Variants in DAAM1 observed in about 807,000 individuals in gnomAD.
DAAM1 encodes disheveled-associated activator of morphogenesis 1.
In DAAM1, 52 loss-of-function variants were observed where a neutral mutation model predicts 130.0. The ratio of observed to expected loss-of-function variants is 0.40; its 90% CI spans 0.32 to 0.50. The LOEUF is 0.50. DAAM1 is among the 20% of genes least tolerant of loss of function. The pLI, the probability that DAAM1 is intolerant of heterozygous loss-of-function variation, is 0.61. For synonymous variants in DAAM1, 452 were observed against 444.5 expected, an observed-to-expected ratio of 1.02 and a Z score of -0.21; for missense variants, 1,134 against 1,303.8, an observed-to-expected ratio of 0.87 and a Z score of 2.01.
At chr14:59,194,734 C>G (rs1887831920) in intron 1 of DAAM1, among the ~76,000 whole-genome samples, 1 of 152,190 alleles carries the variant, frequency 6.6e-6, no homozygotes, top group Non-Finnish European at 1.5e-5. Flanking sequence ...CTTTTTCCCC[C>G]CACCTCAGAA....
chr14:59,334,926 C>G (rs1034532168), intron 15 of DAAM1, among the ~76,000 whole-genome samples: 10 of 152,146 alleles, frequency 6.6e-5, no homozygotes, highest in Non-Finnish European at 1.2e-4. Context: ...ATTAAGCATC[C>G]ATTACATTCC....
At chr14:59,214,291 G>A (rs1888512195) in intron 1 of DAAM1, among the ~76,000 whole-genome samples, 1 of 152,182 alleles carries the variant, frequency 6.6e-6, no homozygotes, top group African/African-American at 2.4e-5. Flanking sequence ...TCACTATGAG[G>A]GATGTTAAAT....
chr14:59,288,912 T>C (rs963215261), intron 2 of DAAM1, among the ~76,000 whole-genome samples: 13 of 150,186 alleles, frequency 8.7e-5, no homozygotes, highest in Admixed American at 2.7e-4. Context: ...TTTGTTTGTT[T>C]TTTTGTTGTT....
chr14:59,326,722 G>C, intron 11 of DAAM1, 74 bp downstream of exon 11: 3 of 1,576,634 alleles, frequency 1.9e-6, no homozygotes, highest in Non-Finnish European at 2.6e-6. Context: ...CTACTTCAGA[G>C]TAACAGCTGG....
intron 1 of DAAM1, among the ~76,000 whole-genome samples, chr14:59,189,661 G>C (rs1231384530): frequency 6.6e-6 from 1 of 152,142 alleles, no homozygotes; most frequent in African/African-American, 2.4e-5. Flanking sequence ...CTGGATAATC[G>C]GGTTTACCCA....
Position 59,199,833 on chromosome 14 carries a change from C to T in DAAM1, c.-38+11065C>T, listed in dbSNP as rs535468928. Among the ~76,000 whole-genome samples, 9 of 152,260 alleles carry T rather than the reference C, an allele frequency of 5.9e-5. No individual in the cohort carries two copies. In the South Asian group the frequency reaches 1.9e-3, roughly 32 times the overall value. ...TGTTTAACAGCATCCCTGGCCTCTA[C>T]CCACTAGATGCCAGTAACATCCCCT... On this transcript the variant is annotated intron_variant, in intron 1 of 24. Transcript: ENST00000360909.
At chr14:59,324,862 C>T (rs574477704) in intron 8 of DAAM1, among the ~76,000 whole-genome samples, 2 of 152,262 alleles carry the variant, frequency 1.3e-5, no homozygotes, top group African/African-American at 2.4e-5. Context: ...TTACTTAGCC[C>T]CTTTGATAGG....
At chr14:59,302,234 A>G (rs1053717907) in intron 3 of DAAM1, among the ~76,000 whole-genome samples, 1 of 152,126 alleles carries the variant, frequency 6.6e-6, no homozygotes, top group South Asian at 2.1e-4. Context: ...AAGGTCTTGC[A>G]CTCCCTGTAA....
At chr14:59,229,493 G>A (rs1594768969) in intron 1 of DAAM1, among the ~76,000 whole-genome samples, 1 of 152,178 alleles carries the variant, frequency 6.6e-6, no homozygotes, top group Admixed American at 6.5e-5. Flanking sequence ...TTCAGAGAAG[G>A]TGTAGGTAAA....
In DAAM1 at chr14:59,371,139, C is replaced by G. The variant is rs1887155891; in HGVS notation, c.*2280C>G. On this transcript the variant is annotated 3_prime_UTR_variant, in exon 25 of 25. Transcript: ENST00000360909. Reference sequence around the variant, plus strand: ...AAAAAACCTACTTTTTAGATTGGTGCTGGTGTAAGTAGCCACTTTTCTCTC... The same window carrying G: ...AAAAAACCTACTTTTTAGATTGGTGGTGGTGTAAGTAGCCACTTTTCTCTC... The G allele has an allele frequency of 6.7e-6, 1 of 149,604 alleles. No individual in the cohort carries two copies. Among genetic ancestry groups the G allele is most frequent in the African/African-American group, 2.4e-5 (1 of 40,866 alleles). The allele number at this position is 149,604 out of a possible 1,614,324, so 9.3% of individuals were successfully genotyped here.
intron 1 of DAAM1, among the ~76,000 whole-genome samples, chr14:59,193,001 G>A (rs990205765): frequency 6.6e-6 from 1 of 152,186 alleles, no homozygotes; most frequent in Non-Finnish European, 1.5e-5. Context: ...TGCAGTGAAC[G>A]GAGATTGCGC....
At chr14:59,240,280 T>G (rs890415873) in intron 1 of DAAM1, among the ~76,000 whole-genome samples, 2 of 152,168 alleles carry the variant, frequency 1.3e-5, no homozygotes, top group African/African-American at 4.8e-5. Context: ...TATGATATCT[T>G]CCTATCACGC....
chr14:59,327,581 G>A (rs1286667399), intron 12 of DAAM1, among the ~76,000 whole-genome samples: 1 of 151,786 alleles, frequency 6.6e-6, no homozygotes, highest in East Asian at 1.9e-4. Context: ...CTAATTTTTT[G>A]TATTTTTATT....
intron 1 of DAAM1, among the ~76,000 whole-genome samples, chr14:59,249,022 C>T (rs369583597): frequency 1.1e-4 from 16 of 152,310 alleles, no homozygotes; most frequent in South Asian, 6.2e-4. Context: ...CTCCTGACCT[C>T]GTGATCCGTC....
Position 59,196,744 on chromosome 14 carries a change from A to AAAAAC in DAAM1, c.-38+7996_-38+8000dup, listed in dbSNP as rs903305861. Among the ~76,000 whole-genome samples the AAAAAC allele has an allele frequency of 3.3e-5, 5 of 152,150 alleles. No individual in the cohort carries two copies. In the East Asian group the frequency reaches 7.8e-4, roughly 24 times the overall value. On this transcript the variant is annotated intron_variant, in intron 1 of 24. Coordinates refer to ENST00000360909, the MANE Select transcript of DAAM1 (RefSeq NM_001270520.2). The stretch of plus-strand genomic sequence containing the variant: ...GGTGACAGAGCGAGATTCTGTCTCA[A>AAAAAC]AAAACAAAACAAAACAAAACAAAAA...
chr14:59,320,311 G>A (rs1045468005), intron 4 of DAAM1, among the ~76,000 whole-genome samples, 179 bp from the exon 5 acceptor site: 1 of 152,156 alleles, frequency 6.6e-6, no homozygotes, highest in African/African-American at 2.4e-5. Context: ...TCATCTCTAC[G>A]AAGATTTCTA....
At chr14:59,207,153 A>C (rs950046054) in intron 1 of DAAM1, among the ~76,000 whole-genome samples, 1 of 152,236 alleles carries the variant, frequency 6.6e-6, no homozygotes, top group Non-Finnish European at 1.5e-5. Flanking sequence ...TCTGTCATCT[A>C]TCCACAATCA....
At chr14:59,246,661 C>T (rs191927439) in intron 1 of DAAM1, among the ~76,000 whole-genome samples, 1 of 152,226 alleles carries the variant, frequency 6.6e-6, no homozygotes, top group African/African-American at 2.4e-5. Flanking sequence ...ACTTCATAAT[C>T]CCAGCAACTG....
Position 59,343,915 on chromosome 14 carries a change from G to C in DAAM1, c.2076-3624G>C, listed in dbSNP as rs774055862. On this transcript the variant is annotated intron_variant, in intron 16 of 24. Coordinates refer to ENST00000360909, the MANE Select transcript of DAAM1 (RefSeq NM_001270520.2). ...CCTTTCATGGGAAGAGAGTAGAATGGGCACGTCTTAGAGACGTTCCTCAGG... is the reference window on the plus strand; with the variant it reads ...CCTTTCATGGGAAGAGAGTAGAATGCGCACGTCTTAGAGACGTTCCTCAGG... Among the ~76,000 whole-genome samples, 30 of 152,320 alleles carry C rather than the reference G, an allele frequency of 2.0e-4. 1 individual carries two copies. The highest frequency in any genetic ancestry group is 4.3e-4 in the Non-Finnish European group (29 of 68,024).
Sources: allele counts gnomAD v4.1 joint callset (sites outside exome capture counted in the v4.1 genomes callset), GRCh38; gene constraint gnomAD v4.1.1; transcripts MANE v1.5; gene names NCBI Gene and HGNC (gene_info 2026-07-23, HGNC 2026-07-21).